ACSL6: variants seen among roughly 807,000 people sequenced by gnomAD.
ACSL6 encodes acyl-CoA synthetase long chain family member 6.
A neutral mutation model predicts 98.2 loss-of-function variants in ACSL6; 47 were observed. The observed-to-expected ratio is 0.48, with a 90% CI of 0.38 to 0.61. The LOEUF (loss-of-function observed/expected upper bound fraction) is 0.61. ACSL6 is among the 20% of genes least tolerant of loss of function. The pLI, the probability that ACSL6 is intolerant of heterozygous loss-of-function variation, is 0.00. For synonymous variants in ACSL6, 362 were observed against 336.9 expected (o/e 1.07, Z -0.82); for missense variants, 761 against 913.4 (o/e 0.83, Z 2.15).
chr5:131,975,250 T>A, intron 10 of ACSL6: 3 of 1,277,852 alleles, frequency 2.3e-6, no homozygotes, highest in Non-Finnish European at 3.0e-6. Flanking sequence ...GTCTAGGTTA[T>A]CTGCAGAAGC....
intron 10 of ACSL6, 155 bp from the exon 11 acceptor site, chr5:131,975,125 T>C (rs1384439818): frequency 2.2e-6 from 3 of 1,362,772 alleles, no homozygotes; most frequent in Non-Finnish European, 2.9e-6. Context: ...AGAGGTGAGA[T>C]GAAAGAGAGA....
intron 17 of ACSL6, among the ~76,000 whole-genome samples, chr5:131,962,926 C>T (rs1248107522): frequency 1.3e-5 from 2 of 152,080 alleles, no homozygotes; most frequent in Admixed American, 6.5e-5. Flanking sequence ...AGCAGTTAGC[C>T]CCCCACACAG....
intron 13 of ACSL6, 81 bp downstream of exon 13, chr5:131,972,643 G>C: frequency 6.6e-7 from 1 of 1,506,640 alleles, no homozygotes; most frequent in Non-Finnish European, 9.1e-7. Context: ...AGGGCACTGG[G>C]ATGAACTTCT....
At chr5:131,988,307 CAGG>C in intron 6 of ACSL6, 81 bp from the exon 7 acceptor site, 1 of 1,509,848 alleles carries the variant, frequency 6.6e-7, no homozygotes, top group Non-Finnish European at 9.1e-7. Context: ...CAGCACATGC[CAGG>C]CAGCACTTCC....
At position 132,011,599 on chromosome 5, in the gene ACSL6, C is replaced by A; in HGVS notation, c.-46G>T. ...CCGGCCCGGCCCGGCCTCCCCGACC[C>A]GCAGCCCCGCAGCCCCGCAGCCCAG... On this transcript the variant is annotated 5_prime_UTR_variant, in exon 1 of 21. Coordinates refer to ENST00000651883, the MANE Select transcript of ACSL6 (RefSeq NM_001009185.3). The surrounding 1 kb of genome is among the most constrained non-coding windows in gnomAD (Gnocchi z 5.4). The A allele has an allele frequency of 7.2e-7, 1 of 1,387,658 alleles. No homozygotes were observed. The highest frequency in any genetic ancestry group is 9.3e-7 in the Non-Finnish European group (1 of 1,072,366). The allele number at this position is 1,387,658 out of a possible 1,614,324, so 86.0% of individuals were successfully genotyped here.
In ACSL6 at chr5:131,990,198, G is replaced by A. The variant is rs531412459; in HGVS notation, c.386-34C>T. On this transcript the variant is annotated intron_variant, in intron 3 of 20. Transcript: ENST00000651883. ...AGATAAGAAAGCCTTGTGTCAGAGA[G>A]GGGTCAGAGTGGGTGTGCCACCTGC... The A allele has an allele frequency of 2.5e-6, 4 of 1,610,632 alleles. No homozygotes were observed. The South Asian group carries it at 3.3e-5, about 13-fold the overall frequency.
chr5:131,983,608 G>C (rs1430269478), intron 9 of ACSL6: 1 of 152,300 alleles, frequency 6.6e-6, no homozygotes, highest in African/African-American at 2.4e-5. Flanking sequence ...GAGTACAAGA[G>C]GCACAGCATG....
chr5:131,967,033 G>A (rs892010968), intron 16 of ACSL6, among the ~76,000 whole-genome samples: 14 of 152,112 alleles, frequency 9.2e-5, no homozygotes, highest in Admixed American at 7.9e-4. Context: ...GACACAGTTA[G>A]GGGAAAAAAT....
intron 5 of ACSL6, 133 bp downstream of exon 5, chr5:131,989,274 G>T: frequency 1.2e-6 from 1 of 854,288 alleles, no homozygotes; most frequent in Non-Finnish European, 1.9e-6. Context: ...GGGAAGAGGA[G>T]TGGTGGCATA....
At chr5:131,970,502 T>C (rs1753246817) in intron 14 of ACSL6, among the ~76,000 whole-genome samples, 2 of 151,474 alleles carry the variant, frequency 1.3e-5, no homozygotes, top group Admixed American at 1.3e-4. Flanking sequence ...CTCCACCTCC[T>C]GGGTTCACGC....
chr5:131,994,361 CG>C lies in ACSL6; in HGVS notation c.50-111del, dbSNP rs112092676. ...TCTGAAACACTGTAGGGCAGGCCCT[CG>C]GGGAGTTGGGATGTACAGAGTGCAC... On this transcript the variant is annotated intron_variant, in intron 1 of 20. Transcript: ENST00000651883. 1.4e-5 allele frequency: 13 copies of C among 959,964 alleles called. No homozygotes were observed. The African/African-American group carries it at 2.0e-4, about 14-fold the overall frequency. The allele number at this position is 959,964 out of a possible 1,614,324, so 59.5% of individuals were successfully genotyped here.
In ACSL6 at chr5:131,965,207, C is replaced by T. The variant is rs1752950479; in HGVS notation, c.1713+1209G>A. Reference sequence around the variant, plus strand: ...TAACTCAACACCTCAAAATGTCCACCCAAACCTTAGCACTTCCCAAAGACA... The same window carrying T: ...TAACTCAACACCTCAAAATGTCCACTCAAACCTTAGCACTTCCCAAAGACA... On this transcript the variant is annotated intron_variant, in intron 17 of 20. Coordinates refer to ENST00000651883, the MANE Select transcript of ACSL6 (RefSeq NM_001009185.3). Among the ~76,000 whole-genome samples, 3 of 152,222 alleles carry T rather than the reference C, an allele frequency of 2.0e-5. No individual in the cohort carries two copies. In the South Asian group the frequency reaches 6.2e-4, roughly 32 times the overall value.
chr5:132,001,226 G>C (rs1755069183), intron 1 of ACSL6, among the ~76,000 whole-genome samples: 1 of 152,196 alleles, frequency 6.6e-6, no homozygotes, highest in Admixed American at 6.5e-5. Flanking sequence ...CAGAGGCATA[G>C]AGCTGAGGGA....
In ACSL6 at chr5:131,990,874, G is replaced by A. The variant is rs535822688; in HGVS notation, c.364C>T (p.Arg122Cys). 48 of 1,613,644 alleles carry A rather than the reference G, an allele frequency of 3.0e-5. No individual in the cohort carries two copies. The highest frequency in any genetic ancestry group is 1.6e-4 in the Middle Eastern group (1 of 6,080). The change falls in exon 3 of 21, where the codon CGC becomes TGC. Residue 122 changes from arginine (R) to cysteine (C), a missense_variant. Coordinates refer to ENST00000651883, the MANE Select transcript of ACSL6 (RefSeq NM_001009185.3). Reference protein sequence around the residue: ...DDARTMYQVFRRGLSISGNGP... With the variant: ...DDARTMYQVFCRGLSISGNGP... ...TCACCTGAGATGCTAAGCCCACGGC[G>A]GAACACCTGGTACATGGTCCGGGCA...
At chr5:131,981,654 T>C (rs544946001) in intron 9 of ACSL6, among the ~76,000 whole-genome samples, 1 of 152,370 alleles carries the variant, frequency 6.6e-6, no homozygotes, top group Admixed American at 6.5e-5. Context: ...TGTTCTACTG[T>C]AAGCAAATAA....
chr5:132,011,379 C>T lies in ACSL6; in HGVS notation c.49+126G>A. 2.8e-6 allele frequency: 3 copies of T among 1,076,756 alleles called. No homozygotes were observed. Among genetic ancestry groups the T allele is most frequent in the Non-Finnish European group, 4.2e-6 (3 of 717,710 alleles). The allele number at this position is 1,076,756 out of a possible 1,614,324, so 66.7% of individuals were successfully genotyped here. On this transcript the variant is annotated intron_variant, in intron 1 of 20. Coordinates refer to ENST00000651883, the MANE Select transcript of ACSL6 (RefSeq NM_001009185.3). The surrounding 1 kb of genome is among the most constrained non-coding windows in gnomAD (Gnocchi z 5.4). ...ACTTAGGCGGCCCTGGGGACCTTGA[C>T]GGGACAGCTCAGCAGCAGGGGATGG...
intron 4 of ACSL6, among the ~76,000 whole-genome samples, 178 bp downstream of exon 4, chr5:131,989,922 C>A (rs1754415270): frequency 6.6e-6 from 1 of 152,234 alleles, no homozygotes; most frequent in South Asian, 2.1e-4. Flanking sequence ...AGGGACCTCC[C>A]TGACTTCCAA....
upstream of ACSL6, chr5:132,012,077 G>C: frequency 9.4e-7 from 1 of 1,058,598 alleles, no homozygotes; most frequent in Non-Finnish European, 1.3e-6. Flanking sequence ...ATGGCAGCCG[G>C]GTCGCGGTTA....
Position 131,981,331 on chromosome 5 carries a change from A to AAC in ACSL6, c.916+4075_916+4076insGT, listed in dbSNP as rs1263466849. 7.7e-3 allele frequency among the ~76,000 whole-genome samples: 1,063 copies of AAC among 137,824 alleles called. 12 individuals are homozygous for AAC. The highest frequency in any genetic ancestry group is 0.017 in the African/African-American group (606 of 34,864). The allele number at this position is 137,824 out of a possible 152,430, so 90.4% of individuals were successfully genotyped here. ...CTTCATAGTCAACTATTAAAAAAAA[A>AAC]AAAAAAAAAAAAAACACAACTTTCT... On this transcript the variant is annotated intron_variant, in intron 9 of 20. Transcript: ENST00000651883.
Sources: allele counts gnomAD v4.1 joint callset (sites outside exome capture counted in the v4.1 genomes callset), GRCh38; gene constraint gnomAD v4.1.1; non-coding constraint Gnocchi (gnomAD v3.1); transcripts MANE v1.5; gene names NCBI Gene and HGNC (gene_info 2026-07-23, HGNC 2026-07-21).